Variants in MB21D2 observed in about 807,000 individuals in gnomAD.
The protein encoded by MB21D2 is Mab-21 domain containing 2.
MB21D2 carries 9 observed loss-of-function variants against 33.3 expected under a neutral mutation model. The ratio of observed to expected loss-of-function variants is 0.27; its 90% CI spans 0.16 to 0.47. The LOEUF (loss-of-function observed/expected upper bound fraction) is 0.47, where lower values mean the gene tolerates loss of function less well. Among genes scored for constraint, MB21D2 ranks in the 20% least tolerant of loss-of-function variants. The pLI, the probability that MB21D2 is intolerant of heterozygous loss-of-function variation, is 0.99. For missense variants in MB21D2, 540 were observed against 624.6 expected, an observed-to-expected ratio of 0.86 and a Z score of 1.44; for synonymous variants, 241 against 236.3, an observed-to-expected ratio of 1.02 and a Z score of -0.18.
intron 1 of MB21D2, among the ~76,000 whole-genome samples, chr3:192,868,767 A>T (rs1460487560): frequency 2.6e-5 from 4 of 152,178 alleles, no homozygotes; most frequent in African/African-American, 9.7e-5. Flanking sequence ...GGATTCTGTA[A>T]GTGCAACTCT....
intron 1 of MB21D2, among the ~76,000 whole-genome samples, chr3:192,917,205 C>T (rs1378272406): frequency 1.3e-5 from 2 of 152,180 alleles, no homozygotes; most frequent in Non-Finnish European, 2.9e-5. Context: ...CTCGGGAGAG[C>T]ACCCAAGAGC....
At chr3:192,800,121 G>A (rs1283900657) in intron 1 of MB21D2, among the ~76,000 whole-genome samples, 2 of 152,054 alleles carry the variant, frequency 1.3e-5, no homozygotes, top group African/African-American at 4.8e-5. Flanking sequence ...TTGCCTAAGC[G>A]GTTTTCTTTC....
chr3:192,826,897 T>C (rs2108618520), intron 1 of MB21D2, among the ~76,000 whole-genome samples: 1 of 146,816 alleles, frequency 6.8e-6, no homozygotes, highest in African/African-American at 2.5e-5. Flanking sequence ...CTTTCCTTCT[T>C]TTTTTTTTTT....
intron 1 of MB21D2, among the ~76,000 whole-genome samples, chr3:192,826,864 A>C (rs1043797408): frequency 4.0e-5 from 6 of 151,296 alleles, no homozygotes; most frequent in African/African-American, 1.5e-4. Flanking sequence ...TCAGCATCCC[A>C]ATTTTGGCTT....
In MB21D2 at chr3:192,862,327, CCT is replaced by C. The variant is rs761485502; in HGVS notation, c.211+55301_211+55302del. On this transcript the variant is annotated intron_variant, in intron 1 of 1. Coordinates refer to ENST00000392452, the MANE Select transcript of MB21D2 (RefSeq NM_178496.4). ...GCACCATCTTAAAACCTTAAAGCTCCCTCTCTCCTCTGAAACATAAGTAGGAT... is the reference window on the plus strand; with the variant it reads ...GCACCATCTTAAAACCTTAAAGCTCCCTCTCCTCTGAAACATAAGTAGGAT... Among the ~76,000 whole-genome samples, 16 of 152,248 alleles carry C rather than the reference CCT, an allele frequency of 1.1e-4. No individual in the cohort carries two copies. In the East Asian group the frequency reaches 3.1e-3, roughly 29 times the overall value.
intron 1 of MB21D2, among the ~76,000 whole-genome samples, chr3:192,894,072 C>T (rs1242253597): frequency 6.6e-6 from 1 of 151,962 alleles, no homozygotes; most frequent in Non-Finnish European, 1.5e-5. Context: ...TCTTGTTTTC[C>T]CATTCTGTTC....
chr3:192,824,856 T>C (rs774224905), intron 1 of MB21D2, among the ~76,000 whole-genome samples: 9 of 152,206 alleles, frequency 5.9e-5, no homozygotes, highest in Non-Finnish European at 1.0e-4. Context: ...TTTCCTCTTC[T>C]ATGCCACATA....
intron 1 of MB21D2, among the ~76,000 whole-genome samples, chr3:192,902,784 A>G (rs1714129970): frequency 6.6e-6 from 1 of 152,206 alleles, no homozygotes; most frequent in Admixed American, 6.5e-5. Flanking sequence ...GAGGTGTTTC[A>G]GCCCATGCAG....
At chr3:192,853,649 T>G (rs527357170) in intron 1 of MB21D2, among the ~76,000 whole-genome samples, 9 of 135,404 alleles carry the variant, frequency 6.6e-5, no homozygotes, top group African/African-American at 2.4e-4. Context: ...TGGTGTTTTG[T>G]TTTTTTTTTT....
At chr3:192,857,533 T>C (rs763638156) in intron 1 of MB21D2, among the ~76,000 whole-genome samples, 1 of 152,104 alleles carries the variant, frequency 6.6e-6, no homozygotes, top group Non-Finnish European at 1.5e-5. Context: ...CATTCTTCTA[T>C]CCCTTTCAGC....
intron 1 of MB21D2, among the ~76,000 whole-genome samples, chr3:192,859,272 G>T (rs1577186156): frequency 1.3e-5 from 2 of 152,120 alleles, no homozygotes; most frequent in South Asian, 2.1e-4. Context: ...ATGCTAGACG[G>T]CACTAGAAGA....
rs1007080524 is a variant in MB21D2 at position 192,797,463 on chromosome 3, G to A, written c.*923C>T. On this transcript the variant is annotated 3_prime_UTR_variant, in exon 2 of 2. Coordinates refer to ENST00000392452, the MANE Select transcript of MB21D2 (RefSeq NM_178496.4). ...TAAGACAGGAACCAGGAATATCAAA[G>A]AGGGCAAAGCAGGACCCCACAACTG... 2.6e-5 allele frequency: 4 copies of A among 152,564 alleles called. No individual in the cohort carries two copies. Among genetic ancestry groups the A allele is most frequent in the Non-Finnish European group, 2.9e-5 (2 of 68,040 alleles). The allele number at this position is 152,564 out of a possible 1,614,324, so 9.5% of individuals were successfully genotyped here. A position where few individuals can be genotyped will look rare whatever the true frequency, so the allele number is the denominator to read the frequency against.
At chr3:192,822,899 A>G (rs1279812438) in intron 1 of MB21D2, among the ~76,000 whole-genome samples, 3 of 152,194 alleles carry the variant, frequency 2.0e-5, no homozygotes, top group African/African-American at 7.2e-5. Flanking sequence ...GTATCAGTCA[A>G]GTATTACCAC....
At chr3:192,850,699 T>C (rs1045661175) in intron 1 of MB21D2, among the ~76,000 whole-genome samples, 1 of 152,096 alleles carries the variant, frequency 6.6e-6, no homozygotes, top group Non-Finnish European at 1.5e-5. Flanking sequence ...CCGTCCCGTC[T>C]CCCTGCGGCC....
intron 1 of MB21D2, among the ~76,000 whole-genome samples, chr3:192,878,538 A>C (rs992240518): frequency 2.0e-5 from 3 of 152,214 alleles, no homozygotes; most frequent in African/African-American, 7.2e-5. Flanking sequence ...ATAGCCCTAA[A>C]AAACATCCAT....
intron 1 of MB21D2, among the ~76,000 whole-genome samples, chr3:192,916,133 AT>A (rs1166719221): frequency 6.9e-6 from 1 of 144,470 alleles, no homozygotes; most frequent in African/African-American, 2.7e-5. Flanking sequence ...TAATTCATCT[AT>A]TCATCTACAT....
intron 1 of MB21D2, among the ~76,000 whole-genome samples, chr3:192,850,411 T>C (rs1712773093): frequency 6.6e-6 from 1 of 152,224 alleles, no homozygotes; most frequent in Non-Finnish European, 1.5e-5. Context: ...GCACGGTCTC[T>C]GCAACTTGAG....
intron 1 of MB21D2, among the ~76,000 whole-genome samples, chr3:192,880,040 A>G (rs1309718072): frequency 6.6e-6 from 1 of 152,088 alleles, no homozygotes; most frequent in Non-Finnish European, 1.5e-5. Context: ...TGGCTACTAA[A>G]CCACTTCAGA....
intron 1 of MB21D2, among the ~76,000 whole-genome samples, chr3:192,836,745 A>G (rs1712448698): frequency 6.6e-6 from 1 of 152,198 alleles, no homozygotes; most frequent in African/African-American, 2.4e-5. Flanking sequence ...CAGACTTAGC[A>G]AGCTAATACA....
Sources: allele counts gnomAD v4.1 joint callset (sites outside exome capture counted in the v4.1 genomes callset), GRCh38; gene constraint gnomAD v4.1.1; transcripts MANE v1.5; gene names NCBI Gene and HGNC (gene_info 2026-07-23, HGNC 2026-07-21).